IL1RAPL2: variants seen among roughly 807,000 people sequenced by gnomAD.
The protein encoded by IL1RAPL2 is X-linked interleukin-1 receptor accessory protein-like 2.
A neutral mutation model predicts 44.1 loss-of-function variants in IL1RAPL2; 3 were observed. The observed-to-expected ratio is 0.07, with a 90% CI of 0.03 to 0.18. IL1RAPL2 has a LOEUF of 0.18. Among genes scored for constraint, IL1RAPL2 ranks in the 10% least tolerant of loss-of-function variants. IL1RAPL2 has a pLI of 1.00. For synonymous variants in IL1RAPL2, 181 were observed against 178.8 expected, an observed-to-expected ratio of 1.01 and a Z score of -0.10; for missense variants, 391 against 496.4, an observed-to-expected ratio of 0.79 and a Z score of 2.02.
chrX:104,849,691 T>G (rs1021345721), intron 2 of IL1RAPL2, among the ~76,000 whole-genome samples: 4 of 110,730 alleles, frequency 3.6e-5, no homozygotes, highest in Admixed American at 9.7e-5. Flanking sequence ...AAGTATAATC[T>G]TGTCTAAAAA....
chrX:105,672,736 C>T (rs2037834740), intron 6 of IL1RAPL2, among the ~76,000 whole-genome samples: 1 of 112,274 alleles, frequency 8.9e-6, no homozygotes, highest in Admixed American at 9.4e-5. Flanking sequence ...TGTCTAGGCT[C>T]TCTAGTTATC....
intron 5 of IL1RAPL2, among the ~76,000 whole-genome samples, chrX:105,455,760 C>T (rs1396903922): frequency 8.9e-6 from 1 of 112,131 alleles, no homozygotes; most frequent in East Asian, 2.8e-4. Flanking sequence ...AACATGATGC[C>T]TCCAGCTTTG....
chrX:105,599,148 T>G (rs906654102), intron 6 of IL1RAPL2, among the ~76,000 whole-genome samples: 1 of 112,342 alleles, frequency 8.9e-6, no homozygotes, highest in Admixed American at 9.4e-5. Context: ...TCATATATTA[T>G]TTCTAATTAG....
chrX:104,899,199 G>A lies in IL1RAPL2; in HGVS notation c.82+240204G>A, dbSNP rs146675730. ...TTGGAAGATGTTTTCCTTGAAGTATGTAAAGCCCTTGAGAGAACTTGAATT... is the reference window on the plus strand; with the variant it reads ...TTGGAAGATGTTTTCCTTGAAGTATATAAAGCCCTTGAGAGAACTTGAATT... On this transcript the variant is annotated intron_variant, in intron 2 of 10. Transcript: ENST00000372582. 6.2e-3 allele frequency among the ~76,000 whole-genome samples: 689 copies of A among 111,897 alleles called. 2 individuals carry two copies. The highest frequency in any genetic ancestry group is 9.0e-3 in the Non-Finnish European group (478 of 53,118).
At chrX:105,568,032 T>C (rs2036986969) in intron 6 of IL1RAPL2, among the ~76,000 whole-genome samples, 1 of 111,077 alleles carries the variant, frequency 9.0e-6, no homozygotes, top group Non-Finnish European at 1.9e-5. Flanking sequence ...CTAATATAAT[T>C]TAAATAGGAG....
rs210729 is a variant in IL1RAPL2, at chrX:105,587,988, G to A, written c.772+103601G>A. 8.5e-3 allele frequency among the ~76,000 whole-genome samples: 945 copies of A among 111,468 alleles called. 11 individuals are homozygous for A. The highest frequency in any genetic ancestry group is 0.082 in the South Asian group (217 of 2,651). Reference sequence around the variant, plus strand: ...CAGGAGGTTGAAGCTGCATTGGGCCGTCCTTACACCACTGCACTCCAGCCT... The same window carrying A: ...CAGGAGGTTGAAGCTGCATTGGGCCATCCTTACACCACTGCACTCCAGCCT... On this transcript the variant is annotated intron_variant, in intron 6 of 10. Coordinates refer to ENST00000372582, the MANE Select transcript of IL1RAPL2 (RefSeq NM_017416.2).
intron 5 of IL1RAPL2, among the ~76,000 whole-genome samples, chrX:105,388,622 G>A (rs1602389549): frequency 2.7e-5 from 3 of 110,490 alleles, no homozygotes; most frequent in South Asian, 3.8e-4. Context: ...ACTCAGTAAC[G>A]GTCTAGTTTA....
intron 2 of IL1RAPL2, among the ~76,000 whole-genome samples, chrX:105,178,471 T>A (rs1230949232): frequency 8.9e-6 from 1 of 112,208 alleles, no homozygotes; most frequent in Non-Finnish European, 1.9e-5. Context: ...CGGATTCCCT[T>A]TCCTTAGGAT....
intron 5 of IL1RAPL2, among the ~76,000 whole-genome samples, chrX:105,297,964 T>C (rs1730524738): frequency 9.0e-6 from 1 of 110,853 alleles, no homozygotes; most frequent in Non-Finnish European, 1.9e-5. Context: ...TCTTTTCTTT[T>C]TAAAATTTTT....
chrX:105,667,825 C>G (rs1046267843), intron 6 of IL1RAPL2, among the ~76,000 whole-genome samples: 5 of 111,406 alleles, frequency 4.5e-5, no homozygotes, highest in African/African-American at 1.6e-4. Context: ...CAAATACCGT[C>G]TCTGGCTCTG....
chrX:105,408,882 A>G (rs1370143446), intron 5 of IL1RAPL2, among the ~76,000 whole-genome samples: 2 of 110,670 alleles, frequency 1.8e-5, no homozygotes, highest in Non-Finnish European at 3.8e-5. Flanking sequence ...AGTGTTGAAA[A>G]AAAAAAAAGA....
chrX:104,711,753 G>T (rs748351555), intron 2 of IL1RAPL2, among the ~76,000 whole-genome samples: 3 of 110,804 alleles, frequency 2.7e-5, no homozygotes, highest in African/African-American at 9.8e-5. Flanking sequence ...TTTATGAAGT[G>T]GGGGAGGAGA....
At chrX:104,926,166 C>G (rs542966515) in intron 2 of IL1RAPL2, among the ~76,000 whole-genome samples, 1 of 111,767 alleles carries the variant, frequency 8.9e-6, no homozygotes, top group Middle Eastern at 4.6e-3. Flanking sequence ...ATGTTATGCT[C>G]TGGTCACTAC....
chrX:105,699,154 A>G (rs1223875978), intron 6 of IL1RAPL2, among the ~76,000 whole-genome samples: 2 of 111,274 alleles, frequency 1.8e-5, no homozygotes, highest in Non-Finnish European at 3.8e-5. Flanking sequence ...AAAAATAATC[A>G]ATTTTATACT....
intron 5 of IL1RAPL2, among the ~76,000 whole-genome samples, chrX:105,447,941 TA>T (rs1234066375): frequency 1.0e-5 from 1 of 98,923 alleles, no homozygotes; most frequent in Non-Finnish European, 2.0e-5. Context: ...TAAAATATGT[TA>T]AAAATATAAA....
intron 2 of IL1RAPL2, among the ~76,000 whole-genome samples, chrX:105,118,853 A>G (rs1399138914): frequency 8.9e-6 from 1 of 112,240 alleles, no homozygotes; most frequent in East Asian, 2.8e-4. Flanking sequence ...GCCCCAATAA[A>G]AATGAGATGC....
chrX:105,542,200 G>A (rs1201795325), intron 6 of IL1RAPL2, among the ~76,000 whole-genome samples: 1 of 112,011 alleles, frequency 8.9e-6, no homozygotes, highest in Non-Finnish European at 1.9e-5. Flanking sequence ...CCGTAATATT[G>A]TATCTGTACT....
At chrX:104,746,861 G>C (rs1439249897) in intron 2 of IL1RAPL2, among the ~76,000 whole-genome samples, 1 of 111,101 alleles carries the variant, frequency 9.0e-6, no homozygotes, top group Non-Finnish European at 1.9e-5. Context: ...TTCAATTGGA[G>C]AAAAAGTGAT....
chrX:105,663,213 A>C (rs929201430), intron 6 of IL1RAPL2, among the ~76,000 whole-genome samples: 1 of 112,181 alleles, frequency 8.9e-6, no homozygotes, highest in Admixed American at 9.5e-5. Context: ...CAAAACAATA[A>C]GAAAAAGTTA....
Sources: allele counts gnomAD v4.1 joint callset (sites outside exome capture counted in the v4.1 genomes callset), GRCh38; gene constraint gnomAD v4.1.1; transcripts MANE v1.5; gene names NCBI Gene and HGNC (gene_info 2026-07-23, HGNC 2026-07-21).